CDH2: variants seen among roughly 807,000 people sequenced by gnomAD.
CDH2 encodes the protein cadherin-2.
A neutral mutation model predicts 92.0 loss-of-function variants in CDH2; 17 were observed. The ratio of observed to expected loss-of-function variants is 0.18; its 90% CI spans 0.13 to 0.28. The LOEUF is 0.28. Ranked by LOEUF, CDH2 falls within the 10% of genes least tolerant of loss-of-function variation. The pLI, the probability that CDH2 is intolerant of heterozygous loss-of-function variation, is 1.00. For synonymous variants in CDH2, 419 were observed against 415.9 expected, an observed-to-expected ratio of 1.01 and a Z score of -0.09; for missense variants, 862 against 1,133.1, an observed-to-expected ratio of 0.76 and a Z score of 3.44.
intron 15 of CDH2, among the ~76,000 whole-genome samples, chr18:27,955,340 C>T (rs1437139565): frequency 7.7e-6 from 1 of 130,084 alleles, no homozygotes; most frequent in East Asian, 2.3e-4. Context: ...ACATTCCGCA[C>T]ATGTATCTCA....
At chr18:28,149,555 C>CA (rs1380753497) in intron 1 of CDH2, among the ~76,000 whole-genome samples, 1 of 151,188 alleles carries the variant, frequency 6.6e-6, no homozygotes, top group Admixed American at 6.6e-5. Flanking sequence ...TGAAATCTTG[C>CA]AAAAAAAAGT....
At chr18:28,137,773 A>G (rs1334534383) in intron 2 of CDH2, among the ~76,000 whole-genome samples, 1 of 151,986 alleles carries the variant, frequency 6.6e-6, no homozygotes, top group Non-Finnish European at 1.5e-5. Context: ...GAAATATATA[A>G]TTTTTATTTT....
chr18:27,948,002 C>T (rs28365267), downstream of CDH2, among the ~76,000 whole-genome samples: 25 of 109,348 alleles, frequency 2.3e-4, no homozygotes, highest in East Asian at 6.3e-4. Context: ...TTTTAACAAG[C>T]GGTGTTTGGA....
intron 14 of CDH2, among the ~76,000 whole-genome samples, chr18:27,978,619 G>A (rs1221645503): frequency 6.7e-6 from 1 of 149,822 alleles, no homozygotes; most frequent in Admixed American, 6.7e-5. Flanking sequence ...GTTGGGGGGG[G>A]GGATTCATTA....
At chr18:28,051,812 C>G (rs1273678298) in intron 2 of CDH2, among the ~76,000 whole-genome samples, 1 of 152,038 alleles carries the variant, frequency 6.6e-6, no homozygotes, top group Non-Finnish European at 1.5e-5. Flanking sequence ...TACGAAATCA[C>G]TACGTAATAA....
chr18:27,941,360 A>C (rs1440069104), intron 6 of CDH2, among the ~76,000 whole-genome samples: 1 of 152,054 alleles, frequency 6.6e-6, no homozygotes, highest in Non-Finnish European at 1.5e-5. Flanking sequence ...TATGATACAT[A>C]TGCCATTTTT....
At chr18:28,002,642 C>T (rs1025710964) in intron 7 of CDH2, among the ~76,000 whole-genome samples, 1 of 152,130 alleles carries the variant, frequency 6.6e-6, no homozygotes, top group Non-Finnish European at 1.5e-5. Flanking sequence ...AACAATTATC[C>T]TAAGTTTGTG....
rs1479938758 is a variant in CDH2 at position 27,992,806 on chromosome 18, A to C, written c.1193T>G (p.Ile398Ser). The C allele has an allele frequency of 3.7e-6, 6 of 1,613,716 alleles. No homozygotes were observed. The highest frequency in any genetic ancestry group is 5.1e-6 in the Non-Finnish European group (6 of 1,179,868). Reference sequence around the variant, plus strand: ...GGTCACAGTTAGATTAGCTACTATGATGTCTACCCTGTTCTCAGGAACTTC... The same window carrying C: ...GGTCACAGTTAGATTAGCTACTATGCTGTCTACCCTGTTCTCAGGAACTTC... ...YGEVPENRVD[I>S]IVANLTVTDK... Residue 398 changes from isoleucine (I) to serine (S), a missense_variant, in exon 9 of 16, where the codon ATC (isoleucine) becomes AGC (serine). Ile to Ser is a moderately radical substitution (Grantham distance 142). Around this residue, in one of 5 missense-constraint regions of CDH2, gnomAD observed 564 missense variants for 722.2 expected, o/e 0.78. Transcript: ENST00000269141.
chr18:28,174,518 T>C (rs559598808), intron 1 of CDH2, among the ~76,000 whole-genome samples: 1 of 152,348 alleles, frequency 6.6e-6, no homozygotes, highest in South Asian at 2.1e-4. Flanking sequence ...CCAAATAACT[T>C]GATGAGAAAG....
chr18:27,979,385 G>T (rs1158094472), intron 14 of CDH2, among the ~76,000 whole-genome samples: 1 of 152,186 alleles, frequency 6.6e-6, no homozygotes. Context: ...CCACAGTGGG[G>T]AAGGGAGGTG....
chr18:28,006,717 CAAAAAAAAAAAA>C (rs35592550), intron 5 of CDH2, among the ~76,000 whole-genome samples: 2 of 77,618 alleles, frequency 2.6e-5, no homozygotes, highest in African/African-American at 4.8e-5. Flanking sequence ...GACTCTGTCT[CAAAAAAAAAAAA>C]AAAAAAAAGA....
At chr18:27,965,379 C>T (rs552965611) in intron 14 of CDH2, among the ~76,000 whole-genome samples, 31 of 152,294 alleles carry the variant, frequency 2.0e-4, no homozygotes, top group Admixed American at 5.2e-4. Context: ...ACTTCGAACC[C>T]GCCAGAGTGG....
At chr18:28,070,952 T>C (rs2014606134) in intron 2 of CDH2, among the ~76,000 whole-genome samples, 1 of 152,140 alleles carries the variant, frequency 6.6e-6, no homozygotes, top group South Asian at 2.1e-4. Flanking sequence ...CCCACCCATT[T>C]TAAAGCCCCA....
intron 2 of CDH2, among the ~76,000 whole-genome samples, chr18:28,071,410 T>C (rs2014615543): frequency 6.6e-6 from 1 of 151,798 alleles, no homozygotes; most frequent in Non-Finnish European, 1.5e-5. Flanking sequence ...AGGAAAAGGG[T>C]AAGTGAATGC....
At chr18:28,162,812 C>T (rs1191306422) in intron 1 of CDH2, among the ~76,000 whole-genome samples, 3 of 152,196 alleles carry the variant, frequency 2.0e-5, no homozygotes, top group East Asian at 1.9e-4. Flanking sequence ...CAGCCAATCT[C>T]TGTTCAGACA....
At chr18:28,133,581 CAA>C (rs765999292) in intron 2 of CDH2, among the ~76,000 whole-genome samples, 214 of 47,238 alleles carry the variant, frequency 4.5e-3, no homozygotes, top group African/African-American at 0.017. Context: ...GACTCTGTCT[CAA>C]AAAAAAAAAA....
intron 2 of CDH2, among the ~76,000 whole-genome samples, chr18:28,041,702 A>AACATTGTT (rs1247040469): frequency 6.6e-6 from 1 of 152,206 alleles, no homozygotes; most frequent in Non-Finnish European, 1.5e-5. Flanking sequence ...GGCCTGCCTC[A>AACATTGTT]ACATTGTTTT....
intron 14 of CDH2, among the ~76,000 whole-genome samples, chr18:27,971,529 T>C (rs1213178905): frequency 1.3e-5 from 2 of 152,254 alleles, no homozygotes; most frequent in East Asian, 3.9e-4. Context: ...GCAAATCATA[T>C]GCACAGTGAA....
chr18:28,075,126 T>G (rs1211902382), intron 2 of CDH2, among the ~76,000 whole-genome samples: 1 of 152,212 alleles, frequency 6.6e-6, no homozygotes, highest in African/African-American at 2.4e-5. Context: ...GTGACTATAC[T>G]GAGTTCTACA....
Sources: allele counts gnomAD v4.1 joint callset (sites outside exome capture counted in the v4.1 genomes callset), GRCh38; gene constraint gnomAD v4.1.1; regional missense constraint gnomAD v4.1.1; transcripts MANE v1.5; gene names NCBI Gene and HGNC (gene_info 2026-07-23, HGNC 2026-07-21).